The following ASTN1 variants were observed in gnomAD, a reference collection of about 807,000 sequenced individuals.
The protein encoded by ASTN1 is astrotactin 1.
ASTN1 carries 41 observed loss-of-function variants against 140.7 expected under a neutral mutation model. The observed-to-expected ratio is 0.29, with a 90% CI of 0.23 to 0.38. ASTN1 has a LOEUF of 0.38. ASTN1 is among the 10% of genes least tolerant of loss of function. The pLI is 1.00. For synonymous variants in ASTN1, 640 were observed against 652.2 expected, an observed-to-expected ratio of 0.98 and a Z score of 0.29; for missense variants, 1,479 against 1,678.8, an observed-to-expected ratio of 0.88 and a Z score of 2.08.
At position 176,979,394 on chromosome 1, in the gene ASTN1, CT is replaced by C. The variant is rs528181141; in HGVS notation, c.1524-14158del. Among the ~76,000 whole-genome samples, 17 of 152,298 alleles carry C rather than the reference CT, an allele frequency of 1.1e-4. 1 individual carries two copies. Among genetic ancestry groups the C allele is most frequent in the Admixed American group, 7.2e-4 (11 of 15,294 alleles). On this transcript the variant is annotated intron_variant, in intron 8 of 22. Coordinates refer to ENST00000361833, the MANE Select transcript of ASTN1 (RefSeq NM_004319.3). ...CAGGGTGCCCTAGGCCTGGAAAGCTCTTTCCCTCCCTTCTGACCTGGTTGGT... is the reference window on the plus strand; with the variant it reads ...CAGGGTGCCCTAGGCCTGGAAAGCTCTTCCCTCCCTTCTGACCTGGTTGGT...
chr1:177,072,926 A>G (rs1678714251), intron 1 of ASTN1, among the ~76,000 whole-genome samples: 1 of 152,178 alleles, frequency 6.6e-6, no homozygotes, highest in Non-Finnish European at 1.5e-5. Flanking sequence ...AACTAAAACA[A>G]TGTTAGTTGC....
At chr1:176,963,853 A>G (rs1672766114) in intron 9 of ASTN1, among the ~76,000 whole-genome samples, 1 of 152,198 alleles carries the variant, frequency 6.6e-6, no homozygotes, top group African/African-American at 2.4e-5. Context: ...GGAAAGTTTA[A>G]TGCCCATGTC....
intron 20 of ASTN1, 105 bp downstream of exon 20, chr1:176,882,754 A>G: frequency 2.0e-6 from 3 of 1,471,760 alleles, no homozygotes; most frequent in Non-Finnish European, 2.8e-6. Context: ...GAGACTCAAC[A>G]TGTTTTGCTG....
chr1:176,963,713 G>A (rs2101847455), intron 9 of ASTN1, among the ~76,000 whole-genome samples: 1 of 152,272 alleles, frequency 6.6e-6, no homozygotes. Flanking sequence ...AGGGAATGGG[G>A]AACTTATCCA....
At chr1:177,160,198 G>T (rs1647274996) in intron 1 of ASTN1, among the ~76,000 whole-genome samples, 1 of 152,174 alleles carries the variant, frequency 6.6e-6, no homozygotes, top group Admixed American at 6.5e-5. Context: ...GAGTTCGAAT[G>T]ATGGATCCAT....
intron 17 of ASTN1, among the ~76,000 whole-genome samples, chr1:176,893,393 C>T (rs1033435849): frequency 3.9e-5 from 6 of 152,172 alleles, no homozygotes; most frequent in Admixed American, 1.3e-4. Context: ...CCCATCCTTC[C>T]GAAGGTCTCT....
intron 1 of ASTN1, among the ~76,000 whole-genome samples, chr1:177,162,818 A>T (rs562722775): frequency 6.6e-6 from 1 of 152,148 alleles, no homozygotes; most frequent in Non-Finnish European, 1.5e-5. Flanking sequence ...TAACCCAGTA[A>T]TTGTACATTT....
intron 8 of ASTN1, among the ~76,000 whole-genome samples, chr1:176,997,589 G>A (rs1334656945): frequency 6.6e-6 from 1 of 151,948 alleles, no homozygotes; most frequent in Non-Finnish European, 1.5e-5. Context: ...GTCCCTGTGA[G>A]TCCATTTCTC....
At position 176,863,810 on chromosome 1, in the gene ASTN1, A is replaced by C. The variant is rs772954940; in HGVS notation, c.*474T>G. The C allele has an allele frequency of 6.0e-6, 6 of 992,656 alleles. No individual in the cohort carries two copies. The highest frequency in any genetic ancestry group is 6.0e-6 in the Non-Finnish European group (5 of 833,808). The allele number at this position is 992,656 out of a possible 1,614,324, so 61.5% of individuals were successfully genotyped here. Reference sequence around the variant, plus strand: ...CTGTGAGCAGGGCCAAGGCTCCCAGAGTGAGACGCTTCCTGAGGAATGCTT... The same window carrying C: ...CTGTGAGCAGGGCCAAGGCTCCCAGCGTGAGACGCTTCCTGAGGAATGCTT... On this transcript the variant is annotated 3_prime_UTR_variant, in exon 23 of 23. Coordinates refer to ENST00000361833, the MANE Select transcript of ASTN1 (RefSeq NM_004319.3).
intron 1 of ASTN1, among the ~76,000 whole-genome samples, chr1:177,111,476 C>T (rs889209779): frequency 2.0e-5 from 3 of 152,106 alleles, no homozygotes; most frequent in African/African-American, 7.2e-5. Context: ...CCAGGTGATG[C>T]TGATGCTGTT....
In ASTN1 at chr1:177,163,650, C is replaced by T. The variant is rs141482315; in HGVS notation, c.283+744G>A. On this transcript the variant is annotated intron_variant, in intron 1 of 22. Transcript: ENST00000361833. ...GTCATTCTGTGTGCAGGAATGCCTA[C>T]GCCTATCTAAGGTGGCCCTGGGAAC... Among the ~76,000 whole-genome samples, 793 of 152,264 alleles carry T rather than the reference C, an allele frequency of 5.2e-3. 4 individuals are homozygous for T. The highest frequency in any genetic ancestry group is 0.01 in the Middle Eastern group (3 of 294).
chr1:176,942,818 G>GTATATATATATATATATA (rs1478728177), intron 14 of ASTN1, among the ~76,000 whole-genome samples: 1 of 31,940 alleles, frequency 3.1e-5, no homozygotes, highest in African/African-American at 1.1e-4. Context: ...CTTTGTGTGT[G>GTATATATATATATATATA]TGTATATATA....
At chr1:177,033,781 A>C (rs1372074579) in intron 2 of ASTN1, among the ~76,000 whole-genome samples, 10 of 152,172 alleles carry the variant, frequency 6.6e-5, no homozygotes, top group Admixed American at 6.5e-4. Context: ...CTTACAAATC[A>C]GGACACCACT....
chr1:176,859,515 T>TG (rs1401352752), downstream of ASTN1, among the ~76,000 whole-genome samples: 1 of 152,202 alleles, frequency 6.6e-6, no homozygotes, highest in East Asian at 1.9e-4. Flanking sequence ...CCGGGCACAG[T>TG]GGTTCACACC....
intron 8 of ASTN1, among the ~76,000 whole-genome samples, chr1:176,979,852 TG>T (rs1217790474): frequency 6.6e-6 from 1 of 152,024 alleles, no homozygotes; most frequent in Non-Finnish European, 1.5e-5. Context: ...GTAAGAAAGA[TG>T]AAAAGAGGAA....
chr1:177,032,908 G>C lies in ASTN1; in HGVS notation c.472-59C>G, dbSNP rs999683354. ...GATGGGTAGGCTCTTCCCACAAAGA[G>C]TCACTGCTCCTTCTGCTACCACCAT... is the stretch of plus-strand genomic sequence containing the variant. On this transcript the variant is annotated intron_variant, in intron 2 of 22. Transcript: ENST00000361833. The C allele has an allele frequency of 1.0e-4, 149 of 1,488,272 alleles. 1 individual carries two copies. The highest frequency in any genetic ancestry group is 1.3e-4 in the Non-Finnish European group (143 of 1,111,050). The allele number at this position is 1,488,272 out of a possible 1,614,324, so 92.2% of individuals were successfully genotyped here. A position where few individuals can be genotyped will look rare whatever the true frequency, so the allele number is the denominator to read the frequency against.
At chr1:177,044,204 T>C (rs201860648) in intron 2 of ASTN1, among the ~76,000 whole-genome samples, 30 of 103,706 alleles carry the variant, frequency 2.9e-4, no homozygotes, top group Non-Finnish European at 4.0e-4. Flanking sequence ...CACACACACA[T>C]ACACACACAC....
intron 1 of ASTN1, among the ~76,000 whole-genome samples, chr1:177,121,014 C>T (rs113553930): frequency 0.016 from 2,397 of 152,084 alleles, 21 homozygotes; most frequent in South Asian, 0.026. Context: ...ATCAGATCTG[C>T]GAATTAAAAG....
intron 1 of ASTN1, among the ~76,000 whole-genome samples, chr1:177,113,592 G>A (rs1680925484): frequency 6.6e-6 from 1 of 152,270 alleles, no homozygotes; most frequent in Non-Finnish European, 1.5e-5. Context: ...CCCCCTGCCA[G>A]TGCACCTAAT....
Sources: allele counts gnomAD v4.1 joint callset (sites outside exome capture counted in the v4.1 genomes callset), GRCh38; gene constraint gnomAD v4.1.1; transcripts MANE v1.5; gene names NCBI Gene and HGNC (gene_info 2026-07-23, HGNC 2026-07-21).